LARGE1: variants seen among roughly 807,000 people sequenced by gnomAD.
The protein encoded by LARGE1 is LARGE xylosyl- and glucuronyltransferase 1.
In LARGE1, 43 loss-of-function variants were observed where a neutral mutation model predicts 87.6. The observed-to-expected ratio is 0.49, with a 90% CI of 0.38 to 0.63. The LOEUF (loss-of-function observed/expected upper bound fraction) is 0.63. Among genes scored for constraint, LARGE1 ranks in the 30% least tolerant of loss-of-function variants. The pLI is 0.00. For missense variants in LARGE1, 802 were observed against 1,000.2 expected (o/e 0.80, Z 2.67); for synonymous variants, 434 against 394.6 (o/e 1.10, Z -1.18).
chr22:33,504,657 G>A (rs1003424544), intron 6 of LARGE1, among the ~76,000 whole-genome samples: 3 of 152,192 alleles, frequency 2.0e-5, no homozygotes, highest in Admixed American at 6.5e-5. Context: ...GTGTGAAATA[G>A]ATCAGATGAA....
chr22:33,336,631 G>C (rs531225486), intron 10 of LARGE1, among the ~76,000 whole-genome samples: 11 of 152,292 alleles, frequency 7.2e-5, no homozygotes, highest in Admixed American at 7.2e-4. Context: ...GACTCCCCAT[G>C]CCCTGCTTTT....
At chr22:33,851,003 G>A (rs2063568150) in intron 1 of LARGE1, among the ~76,000 whole-genome samples, 1 of 152,200 alleles carries the variant, frequency 6.6e-6, no homozygotes, top group African/African-American at 2.4e-5. Flanking sequence ...GGTGGTGGAA[G>A]ACAGAGAGGG....
exon 12 of LARGE1, chr22:33,166,008 G>C (rs5994683): frequency 0.085 from 12,960 of 152,236 alleles, 735 homozygotes; most frequent in Middle Eastern, 0.2. Context: ...GTAAACACTA[G>C]ATTTTGCTAT....
intron 2 of LARGE1, among the ~76,000 whole-genome samples, chr22:33,728,576 A>AAAAAAAAACC: frequency 9.6e-6 from 1 of 103,732 alleles, no homozygotes; most frequent in Non-Finnish European, 2.1e-5. Context: ...AAAAAAAAAA[A>AAAAAAAAACC]AAACCAACAA....
At chr22:33,104,552 G>A in the LARGE1 span, among the ~76,000 whole-genome samples, 1 of 152,200 alleles carries the variant, frequency 6.6e-6, no homozygotes, top group Admixed American at 6.5e-5. Context: ...AAGCCTTCAG[G>A]TAAGGGGAGT....
Position 33,553,643 on chromosome 22 carries a change from G to A in LARGE1, c.787+11205C>T, listed in dbSNP as rs149942878. On this transcript the variant is annotated intron_variant, in intron 6 of 14. Coordinates refer to ENST00000397394, the MANE Select transcript of LARGE1 (RefSeq NM_133642.5). ...ATGTATCATGTCACGTTACCCTCACGCCAATACCCCATGGGTATCATTCTC... is the reference window on the plus strand; with the variant it reads ...ATGTATCATGTCACGTTACCCTCACACCAATACCCCATGGGTATCATTCTC... Among the ~76,000 whole-genome samples the A allele has an allele frequency of 9.5e-3, 1,452 of 152,254 alleles. 21 individuals carry two copies. Among genetic ancestry groups the A allele is most frequent in the African/African-American group, 0.032 (1,347 of 41,550 alleles).
rs145859359 is a variant in LARGE1 at position 33,626,365 on chromosome 22, C to G, written c.409-39G>C. On this transcript the variant is annotated intron_variant, in intron 3 of 14. Coordinates refer to ENST00000397394, the MANE Select transcript of LARGE1 (RefSeq NM_133642.5). ...AAGACGGGGTGAGCAGTCAGACAGA[C>G]GGAAGGAGGCCTTCCTGGTGCTTCA... 3.9e-4 allele frequency: 596 copies of G among 1,525,290 alleles called. 5 individuals are homozygous for G. The East Asian group carries it at 0.012, about 32-fold the overall frequency. The allele number at this position is 1,525,290 out of a possible 1,614,324, so 94.5% of individuals were successfully genotyped here.
At chr22:33,672,931 T>A (rs2081460096) in intron 2 of LARGE1, among the ~76,000 whole-genome samples, 1 of 152,128 alleles carries the variant, frequency 6.6e-6, no homozygotes, top group African/African-American at 2.4e-5. Flanking sequence ...CAAATAATTA[T>A]TTAGTTACAC....
chr22:33,577,562 C>T (rs189280441), intron 5 of LARGE1, among the ~76,000 whole-genome samples: 55 of 152,316 alleles, frequency 3.6e-4, no homozygotes, highest in African/African-American at 7.7e-4. Flanking sequence ...CTCTTACCTC[C>T]GCCTTCCCAT....
At chr22:33,783,947 C>T (rs1422801199) in intron 1 of LARGE1, among the ~76,000 whole-genome samples, 1 of 152,130 alleles carries the variant, frequency 6.6e-6, no homozygotes, top group South Asian at 2.1e-4. Context: ...AAAGGAGCTT[C>T]CAAGTTGGTA....
At chr22:33,172,228 C>T (rs1922615658) in intron 11 of LARGE1, among the ~76,000 whole-genome samples, 1 of 152,186 alleles carries the variant, frequency 6.6e-6, no homozygotes, top group South Asian at 2.1e-4. Flanking sequence ...TTGGAAGTAA[C>T]TAACTTGCTT....
chr22:33,515,128 A>T (rs946492676), intron 6 of LARGE1, among the ~76,000 whole-genome samples: 5 of 152,198 alleles, frequency 3.3e-5, no homozygotes, highest in East Asian at 3.9e-4. Context: ...TAAAAAAAAA[A>T]AAAATAAAAA....
intron 1 of LARGE1, among the ~76,000 whole-genome samples, chr22:33,902,222 G>A (rs1021792514): frequency 3.3e-5 from 5 of 151,980 alleles, no homozygotes; most frequent in African/African-American, 4.8e-5. Context: ...AAAACAAGAC[G>A]ACAAGACTCT....
intron 5 of LARGE1, among the ~76,000 whole-genome samples, chr22:33,597,090 A>G (rs1409224165): frequency 1.3e-5 from 2 of 152,134 alleles, no homozygotes; most frequent in African/African-American, 2.4e-5. Flanking sequence ...GAGCTGCTCC[A>G]GCCTTATGAG....
At chr22:33,621,890 CCT>C (rs1357751124) in intron 4 of LARGE1, among the ~76,000 whole-genome samples, 1 of 152,122 alleles carries the variant, frequency 6.6e-6, no homozygotes, top group African/African-American at 2.4e-5. Context: ...TGAGAATGAC[CCT>C]GTTTGACAGA....
intron 9 of LARGE1, among the ~76,000 whole-genome samples, chr22:33,356,094 A>G (rs1217104172): frequency 6.6e-6 from 1 of 152,210 alleles, no homozygotes; most frequent in Non-Finnish European, 1.5e-5. Flanking sequence ...CTGTTTGGAC[A>G]TACACTCTGG....
At chr22:33,218,396 C>G (rs1162713313) in intron 11 of LARGE1, among the ~76,000 whole-genome samples, 1 of 152,172 alleles carries the variant, frequency 6.6e-6, no homozygotes, top group Non-Finnish European at 1.5e-5. Context: ...ATGCCCTTAT[C>G]TCATACCTTG....
intron 11 of LARGE1, among the ~76,000 whole-genome samples, chr22:33,189,291 A>T (rs1037383327): frequency 6.6e-6 from 1 of 152,134 alleles, no homozygotes; most frequent in Non-Finnish European, 1.5e-5. Context: ...GAAGTCCCCC[A>T]TGCTCCCATT....
At chr22:33,649,843 C>T (rs1282742082) in intron 3 of LARGE1, among the ~76,000 whole-genome samples, 1 of 152,194 alleles carries the variant, frequency 6.6e-6, no homozygotes, top group Non-Finnish European at 1.5e-5. Flanking sequence ...AGAAAGAAAG[C>T]ATACCCTAAA....
Sources: gnomAD v4.1 joint callset for allele counts (sites outside exome capture counted in the v4.1 genomes callset) on GRCh38, gnomAD v4.1.1 for gene constraint, MANE v1.5 for transcripts, NCBI Gene and HGNC (gene_info 2026-07-23, HGNC 2026-07-21) for gene names.